TNS1: variants seen among roughly 807,000 people sequenced by gnomAD.
The protein encoded by TNS1 is tensin 1.
TNS1 carries 62 observed loss-of-function variants against 168.6 expected under a neutral mutation model. The ratio of observed to expected loss-of-function variants is 0.37; its 90% CI spans 0.30 to 0.45. TNS1 has a LOEUF of 0.45. Ranked by LOEUF, TNS1 falls within the 20% of genes least tolerant of loss-of-function variation. The pLI is 1.00. For synonymous variants in TNS1, 934 were observed against 933.2 expected (o/e 1.00, Z -0.02); for missense variants, 2,240 against 2,339.4 (o/e 0.96, Z 0.88).
chr2:217,816,982 G>T (rs370246407), intron 24 of TNS1, among the ~76,000 whole-genome samples: 21 of 152,330 alleles, frequency 1.4e-4, no homozygotes, highest in African/African-American at 4.8e-4. Context: ...TAGAGGCAAA[G>T]GTGGCAAGTT....
At chr2:217,910,832 C>T (rs1390575709) in intron 4 of TNS1, among the ~76,000 whole-genome samples, 1 of 152,086 alleles carries the variant, frequency 6.6e-6, no homozygotes, top group Non-Finnish European at 1.5e-5. Flanking sequence ...TCCTCCATCC[C>T]CCTGTTTCAC....
intron 2 of TNS1, among the ~76,000 whole-genome samples, chr2:217,980,753 A>G (rs1422913697): frequency 6.6e-6 from 1 of 151,978 alleles, no homozygotes; most frequent in Non-Finnish European, 1.5e-5. Context: ...TGAGGGACAC[A>G]ATGGGGGCCG....
intron 29 of TNS1, 54 bp from the exon 30 acceptor site, chr2:217,810,045 T>G: frequency 6.3e-7 from 1 of 1,574,998 alleles, no homozygotes; most frequent in Non-Finnish European, 8.7e-7. Flanking sequence ...GGTGAGGACA[T>G]TAACCCAGAT....
At chr2:217,932,908 C>T (rs1256205999) in intron 3 of TNS1, among the ~76,000 whole-genome samples, 3 of 152,160 alleles carry the variant, frequency 2.0e-5, no homozygotes, top group East Asian at 3.9e-4. Context: ...TAGCGCGCAT[C>T]GGGGACTGGT....
intron 3 of TNS1, among the ~76,000 whole-genome samples, chr2:217,935,367 G>A (rs1009223400): frequency 6.6e-6 from 1 of 152,210 alleles, no homozygotes; most frequent in South Asian, 2.1e-4. Context: ...ATGATGGGAG[G>A]AATTCTTAGG....
At chr2:218,014,535 C>T (rs1559412292), upstream of TNS1, among the ~76,000 whole-genome samples, 1 of 152,146 alleles carries the variant, frequency 6.6e-6, no homozygotes, top group African/African-American at 2.4e-5. Context: ...TGGGTTCTTG[C>T]GGAGCTGGAC....
At chr2:217,987,386 G>A (rs1266795681) in intron 2 of TNS1, among the ~76,000 whole-genome samples, 1 of 152,168 alleles carries the variant, frequency 6.6e-6, no homozygotes, top group Admixed American at 6.5e-5. Flanking sequence ...CACCCTCTTA[G>A]TTTCCTATCT....
intron 3 of TNS1, among the ~76,000 whole-genome samples, chr2:217,939,794 G>C (rs1375842508): frequency 2.0e-5 from 3 of 152,356 alleles, no homozygotes; most frequent in Middle Eastern, 3.4e-3. Context: ...TCCAAGGACT[G>C]GCTCAGGCCC....
chr2:217,855,364 A>G (rs3791967), intron 18 of TNS1, among the ~76,000 whole-genome samples: 43,508 of 152,060 alleles, frequency 0.29, 6,291 homozygotes, highest in Middle Eastern at 0.39. Context: ...GACTCAGTTC[A>G]AACTTCCCTG....
At chr2:217,979,369 T>C (rs1957981745) in intron 2 of TNS1, among the ~76,000 whole-genome samples, 1 of 151,124 alleles carries the variant, frequency 6.6e-6, no homozygotes, top group Non-Finnish European at 1.5e-5. Context: ...ACACACACAG[T>C]CTCACACACA....
At chr2:218,012,890 C>A (rs1328163244), upstream of TNS1, among the ~76,000 whole-genome samples, 1 of 152,048 alleles carries the variant, frequency 6.6e-6, no homozygotes, top group Non-Finnish European at 1.5e-5. Context: ...GTGGGGGGTT[C>A]TAATCCCAAA....
intron 22 of TNS1, chr2:217,830,100 A>G: frequency 1.5e-6 from 1 of 650,262 alleles, no homozygotes; most frequent in Non-Finnish European, 1.9e-6. Flanking sequence ...GGGAAGGCCG[A>G]GGCCCACCCT....
At chr2:217,954,200 C>T (rs889718027) in intron 3 of TNS1, among the ~76,000 whole-genome samples, 16 of 152,206 alleles carry the variant, frequency 1.1e-4, no homozygotes, top group African/African-American at 3.6e-4. Flanking sequence ...GAGCCAGGGG[C>T]TGGGCTCCTA....
chr2:218,012,465 G>C (rs934101039), upstream of TNS1, among the ~76,000 whole-genome samples: 7 of 152,176 alleles, frequency 4.6e-5, no homozygotes, highest in Non-Finnish European at 7.3e-5. Context: ...TGAAGCCAAT[G>C]ATGAACTGAG....
intron 2 of TNS1, among the ~76,000 whole-genome samples, chr2:217,987,367 C>A (rs1958223547): frequency 6.6e-6 from 1 of 152,198 alleles, no homozygotes; most frequent in South Asian, 2.1e-4. Context: ...TCTATGACGC[C>A]CGCATGTCCA....
intron 19 of TNS1, among the ~76,000 whole-genome samples, chr2:217,837,212 GTGCACACACAC>G (rs542340387): frequency 1.1e-3 from 169 of 152,250 alleles, no homozygotes; most frequent in African/African-American, 3.5e-3. Context: ...GTCAGCGTGT[GTGCACACACAC>G]TGCACACACA....
chr2:217,924,429 ATC>A (rs1186378262), intron 3 of TNS1, among the ~76,000 whole-genome samples: 1 of 152,146 alleles, frequency 6.6e-6, no homozygotes, highest in African/African-American at 2.4e-5. Context: ...CTTGTCTATA[ATC>A]TGTTTCCTCC....
intron 18 of TNS1, among the ~76,000 whole-genome samples, chr2:217,877,849 C>A (rs576511100): frequency 6.6e-6 from 1 of 152,184 alleles, no homozygotes; most frequent in Non-Finnish European, 1.5e-5. Flanking sequence ...CGAGAGGATG[C>A]AGGCCAGAGA....
At chr2:218,010,246 C>G (rs1242263007) in exon 1 of TNS1, 1 of 398,802 alleles carries the variant, frequency 2.5e-6, no homozygotes, top group Non-Finnish European at 4.4e-6. Flanking sequence ...AGAGGTGGAC[C>G]CGCCGCTCCT....
Sources: allele counts gnomAD v4.1 joint callset (sites outside exome capture counted in the v4.1 genomes callset), GRCh38; gene constraint gnomAD v4.1.1; transcripts MANE v1.5; gene names NCBI Gene and HGNC (gene_info 2026-07-23, HGNC 2026-07-21).